EIF2AK3: variants seen among roughly 807,000 people sequenced by gnomAD.
The protein encoded by EIF2AK3 is eukaryotic translation initiation factor 2 alpha kinase 3, also known as eukaryotic translation initiation factor 2-alpha kinase 3.
A neutral mutation model predicts 113.5 loss-of-function variants in EIF2AK3; 50 were observed. The ratio of observed to expected loss-of-function variants is 0.44; its 90% CI spans 0.35 to 0.56. The LOEUF (loss-of-function observed/expected upper bound fraction) is 0.56. Among genes scored for constraint, EIF2AK3 ranks in the 20% least tolerant of loss-of-function variants. The pLI, the probability that EIF2AK3 is intolerant of heterozygous loss-of-function variation, is 0.00. For missense variants in EIF2AK3, 1,185 were observed against 1,378.0 expected, an observed-to-expected ratio of 0.86 and a Z score of 2.22; for synonymous variants, 448 against 495.4, an observed-to-expected ratio of 0.90 and a Z score of 1.27.
At chr2:88,625,367 C>T (rs548604520) in intron 1 of EIF2AK3, among the ~76,000 whole-genome samples, 4 of 151,954 alleles carry the variant, frequency 2.6e-5, no homozygotes, top group South Asian at 4.2e-4. Flanking sequence ...ACATAATCTC[C>T]GGCCTCTGTG....
At position 88,575,337 on chromosome 2, in the gene EIF2AK3, G is replaced by T. The variant is rs574976232; in HGVS notation, c.2146C>A (p.Pro716Thr). The T allele has an allele frequency of 6.2e-7, 1 of 1,614,208 alleles. No individual in the cohort carries two copies. Among genetic ancestry groups the T allele is most frequent in the Non-Finnish European group, 8.5e-7 (1 of 1,180,030 alleles). Residue 716 changes from proline to threonine, a missense_variant, in exon 13 of 17, where the codon CCA becomes ACA. Physicochemically the swap from Pro to Thr is conservative, Grantham distance 38. Transcript: ENST00000303236. Reference protein sequence around the residue: ...KEHIEIIAPSPQRSRSFSVGI... With the variant: ...KEHIEIIAPSTQRSRSFSVGI... ...ACTGAAAAAGACCTGCTTCTTTGTG[G>T]TGAAGGAGCTATGATTTCAATATGT...
intron 2 of EIF2AK3, among the ~76,000 whole-genome samples, chr2:88,611,870 G>A (rs1329828957): frequency 1.3e-5 from 2 of 152,202 alleles, no homozygotes; most frequent in Non-Finnish European, 1.5e-5. Flanking sequence ...TGATCCGCCC[G>A]CCTCAGCCTC....
chr2:88,608,650 A>AT (rs890212448), intron 2 of EIF2AK3, among the ~76,000 whole-genome samples: 1 of 144,710 alleles, frequency 6.9e-6, no homozygotes, highest in East Asian at 2.1e-4. Context: ...TGAAGGTAGT[A>AT]TTACTCTATG....
intron 14 of EIF2AK3, among the ~76,000 whole-genome samples, chr2:88,569,356 A>AT (rs927471966): frequency 1.3e-4 from 20 of 149,412 alleles, no homozygotes; most frequent in Admixed American, 4.0e-4. Context: ...AACAAACAAC[A>AT]TTTTTTTTTT....
At chr2:88,574,397 C>T in intron 13 of EIF2AK3, 3 of 484,922 alleles carry the variant, frequency 6.2e-6, no homozygotes, top group African/African-American at 3.9e-5. Flanking sequence ...TTTTTTTTCC[C>T]TCACCTGGAC....
At chr2:88,568,923 C>T (rs1270482544) in intron 14 of EIF2AK3, among the ~76,000 whole-genome samples, 1 of 152,010 alleles carries the variant, frequency 6.6e-6, no homozygotes, top group Non-Finnish European at 1.5e-5. Flanking sequence ...TGGAGTCTTG[C>T]TCTGTCACCC....
chr2:88,609,749 T>C (rs1330730181), intron 2 of EIF2AK3, among the ~76,000 whole-genome samples: 2 of 152,106 alleles, frequency 1.3e-5, no homozygotes, highest in African/African-American at 4.8e-5. Flanking sequence ...GTGAACTTTT[T>C]ACTTCAAAGA....
At chr2:88,566,595 G>A (rs930583165) in intron 14 of EIF2AK3, among the ~76,000 whole-genome samples, 3 of 152,084 alleles carry the variant, frequency 2.0e-5, no homozygotes, top group Non-Finnish European at 4.4e-5. Flanking sequence ...TGCCATGGTG[G>A]TTTGCTGCAC....
At position 88,609,945 on chromosome 2, in the gene EIF2AK3, CAAAAAAAA is replaced by C. The variant is rs71378880; in HGVS notation, c.438+3771_438+3778del. 3.9e-3 allele frequency among the ~76,000 whole-genome samples: 151 copies of C among 38,820 alleles called. 1 individual carries two copies. The highest frequency in any genetic ancestry group is 0.013 in the African/African-American group (140 of 10,398). The allele number at this position is 38,820 out of a possible 152,430, so 25.5% of individuals were successfully genotyped here. On this transcript the variant is annotated intron_variant, in intron 2 of 16. Coordinates refer to ENST00000303236, the MANE Select transcript of EIF2AK3 (RefSeq NM_004836.7). ...GCAAAATAAGAAAACTCCATCTCTA[CAAAAAAAA>C]AAAAAAAAAAAAAAAAAAGGTAGCT... is the stretch of plus-strand genomic sequence containing the variant.
rs747926683 is a variant in EIF2AK3, at chr2:88,595,544, A to G, written c.558T>C (p.Tyr186=). ...FTVESLLESS[Y]KFGDDVVLVG... is the part of the protein sequence containing the mutation. The stretch of plus-strand genomic sequence containing the variant: ...CCAAAACAACATCATCTCCAAATTT[A>G]TAAGAAGATTCAAGAAGTGATTCAA... The change falls in exon 3 of 17, where the codon TAT becomes TAC. Residue 186 remains tyrosine (Y), a synonymous_variant. Coordinates refer to ENST00000303236, the MANE Select transcript of EIF2AK3 (RefSeq NM_004836.7). 6.2e-6 allele frequency: 10 copies of G among 1,614,092 alleles called. No individual in the cohort carries two copies. Among genetic ancestry groups the G allele is most frequent in the Admixed American group, 1.7e-5 (1 of 60,028 alleles).
intron 14 of EIF2AK3, among the ~76,000 whole-genome samples, chr2:88,563,946 C>T (rs1335352627): frequency 6.6e-6 from 1 of 152,054 alleles, no homozygotes; most frequent in Non-Finnish European, 1.5e-5. Flanking sequence ...TGTCCCTATA[C>T]TTTCTGTATT....
chr2:88,588,721 G>T (rs185254810), intron 7 of EIF2AK3, 40 bp downstream of exon 7: 2 of 1,610,020 alleles, frequency 1.2e-6, no homozygotes, highest in East Asian at 2.2e-5. Context: ...TTAGGTCTCT[G>T]AACACTAACA....
chr2:88,570,376 C>T (rs1001547375), intron 14 of EIF2AK3, among the ~76,000 whole-genome samples: 1 of 152,222 alleles, frequency 6.6e-6, no homozygotes, highest in African/African-American at 2.4e-5. Context: ...CTTCCAGTCC[C>T]TGCCCTGATT....
Position 88,627,300 on chromosome 2 carries a change from T to A in EIF2AK3, c.-26A>T. The A allele has an allele frequency of 2.0e-6, 3 of 1,476,082 alleles. No homozygotes were observed. Among genetic ancestry groups the A allele is most frequent in the Non-Finnish European group, 1.8e-6 (2 of 1,117,516 alleles). 91.4% of individuals were successfully genotyped at this position (1,476,082 alleles called of 1,614,324 possible). On this transcript the variant is annotated 5_prime_UTR_variant, in exon 1 of 17. The change abolishes an upstream ATG in the 5' untranslated region. Transcript: ENST00000303236. ...CAGCGTCCCGCCCCGCGCGCAGGCA[T>A]GGAGGCGCAGCCACTGACGCCTGCC...
chr2:88,592,205 T>A (rs1674903921), intron 4 of EIF2AK3, among the ~76,000 whole-genome samples: 1 of 152,246 alleles, frequency 6.6e-6, no homozygotes, highest in African/African-American at 2.4e-5. Context: ...TCACATTTTT[T>A]AATCACATAT....
At chr2:88,559,437 A>C (rs1673878523) in intron 15 of EIF2AK3, among the ~76,000 whole-genome samples, 1 of 151,978 alleles carries the variant, frequency 6.6e-6, no homozygotes, top group South Asian at 2.1e-4. Flanking sequence ...ATTTTATATA[A>C]GGGACTTGAG....
chr2:88,578,538 T>C (rs950929885), intron 11 of EIF2AK3, among the ~76,000 whole-genome samples: 1 of 151,862 alleles, frequency 6.6e-6, no homozygotes, highest in Non-Finnish European at 1.5e-5. Context: ...CAAAATTAGC[T>C]GGGTGTGGTG....
intron 2 of EIF2AK3, among the ~76,000 whole-genome samples, chr2:88,597,882 T>C (rs1051146244): frequency 2.6e-5 from 4 of 152,302 alleles, no homozygotes; most frequent in African/African-American, 7.2e-5. Flanking sequence ...TATATTTATG[T>C]TTATACAGTG....
At chr2:88,603,911 G>A (rs1675209690) in intron 2 of EIF2AK3, among the ~76,000 whole-genome samples, 1 of 152,202 alleles carries the variant, frequency 6.6e-6, no homozygotes, top group South Asian at 2.1e-4. Context: ...AACAACACAT[G>A]TTCTTCCTTT....
Sources: allele counts gnomAD v4.1 joint callset (sites outside exome capture counted in the v4.1 genomes callset), GRCh38; gene constraint gnomAD v4.1.1; transcripts MANE v1.5; gene names NCBI Gene and HGNC (gene_info 2026-07-23, HGNC 2026-07-21).